The following TUBGCP5 variants were observed in gnomAD, a reference collection of about 807,000 sequenced individuals.
TUBGCP5 encodes the protein gamma-tubulin complex component 5.
In TUBGCP5, 98 loss-of-function variants were observed where a neutral mutation model predicts 134.7. The observed-to-expected ratio is 0.73, with a 90% CI of 0.62 to 0.86. The LOEUF (loss-of-function observed/expected upper bound fraction) is 0.86. Among genes scored for constraint, TUBGCP5 ranks in the 40% least tolerant of loss-of-function variants. The pLI is 0.00. For synonymous variants in TUBGCP5, 456 were observed against 431.4 expected (o/e 1.06, Z -0.71); for missense variants, 1,150 against 1,244.8 (o/e 0.92, Z 1.15).
At position 23,017,939 on chromosome 15, in the gene TUBGCP5, G is replaced by A. The variant is rs149876873; in HGVS notation, c.1590C>T (p.Asn530=). The stretch of plus-strand genomic sequence containing the variant: ...GGTCACTGCCGGAACTCGCACTAGC[G>A]TTATCACTCATTTTTTCTTCATTTT... The part of the protein sequence containing the change: ...KTENEEKMSD[N]ASASSGSDQG... The change falls in exon 13 of 23, where the codon AAC becomes AAT. Residue 530 remains asparagine (N), a synonymous_variant. Transcript: ENST00000615383. 119 of 1,614,056 alleles carry A rather than the reference G, an allele frequency of 7.4e-5. No individual in the cohort carries two copies. The highest frequency in any genetic ancestry group is 1.9e-4 in the South Asian group (17 of 91,084).
At chr15:23,028,672 C>G (rs1421045712) in intron 6 of TUBGCP5, among the ~76,000 whole-genome samples, 1 of 151,952 alleles carries the variant, frequency 6.6e-6, no homozygotes, top group Non-Finnish European at 1.5e-5. Flanking sequence ...GAACTGATAC[C>G]AAACAACCAT....
rs767915486 is a variant in TUBGCP5, at chr15:23,019,310, C to T, written c.1396G>A (p.Val466Met). 5 of 1,613,832 alleles carry T rather than the reference C, an allele frequency of 3.1e-6. No individual in the cohort carries two copies. The highest frequency in any genetic ancestry group is 1.7e-5 in the Admixed American group (1 of 60,014). The change falls in exon 12 of 23, where the codon GTG (valine) becomes ATG (methionine). Residue 466 changes from valine (V) to methionine (M), a missense_variant. Physicochemically the swap from Val to Met is conservative, Grantham distance 21. Coordinates refer to ENST00000615383, the MANE Select transcript of TUBGCP5 (RefSeq NM_052903.6). ...QTVSLLFSLW[V>M]ETVRPYLQTV... ...TGCAGGTAAGGCCGCACCGTTTCCA[C>T]CCAGAGAGAGAAAAGGAGGGAGACC...
At chr15:23,019,150 A>G in intron 12 of TUBGCP5, 69 bp downstream of exon 12, 2 of 1,140,998 alleles carry the variant, frequency 1.8e-6, no homozygotes, top group South Asian at 2.7e-5. Context: ...TAACGAAAGC[A>G]TTTGATTTTC....
intron 23 of TUBGCP5, among the ~76,000 whole-genome samples, chr15:22,988,251 G>C (rs2063738541): frequency 6.6e-6 from 1 of 151,898 alleles, no homozygotes; most frequent in South Asian, 2.1e-4. Flanking sequence ...ATGAGACACT[G>C]AGAGCAGACC....
chr15:22,993,139 G>A (rs1172171564), intron 23 of TUBGCP5, among the ~76,000 whole-genome samples: 10 of 152,084 alleles, frequency 6.6e-5, no homozygotes, highest in Non-Finnish European at 7.4e-5. Flanking sequence ...TCGCTCTGTC[G>A]CCCAGGCTGG....
chr15:23,032,536 T>C (rs2066372559), intron 4 of TUBGCP5, among the ~76,000 whole-genome samples, 192 bp downstream of exon 4: 1 of 152,178 alleles, frequency 6.6e-6, no homozygotes. Context: ...AATCTGTGGG[T>C]CTGGAACCTG....
In TUBGCP5 at chr15:22,999,710, C is replaced by G. The variant is rs941049224; in HGVS notation, c.*110G>C. 7.9e-7 allele frequency: 1 copy of G among 1,263,512 alleles called. No individual in the cohort carries two copies. Among genetic ancestry groups the G allele is most frequent in the African/African-American group, 1.5e-5 (1 of 67,620 alleles). The allele number at this position is 1,263,512 out of a possible 1,614,324, so 78.3% of individuals were successfully genotyped here. A position where few individuals can be genotyped will look rare whatever the true frequency, so the allele number is the denominator to read the frequency against. On this transcript the variant is annotated 3_prime_UTR_variant, in exon 23 of 23. Coordinates refer to ENST00000615383, the MANE Select transcript of TUBGCP5 (RefSeq NM_052903.6). ...GCGACTGTGCCAGGCTGACTGTGGA[C>G]AAGTTTTACAAATAAACCAAAATAA...
chr15:22,999,686 C>T lies in TUBGCP5; in HGVS notation c.*134G>A, dbSNP rs938957959. 10 of 963,364 alleles carry T rather than the reference C, an allele frequency of 1.0e-5. No homozygotes were observed. Among genetic ancestry groups the T allele is most frequent in the East Asian group, 2.6e-5 (1 of 37,924 alleles). 59.7% of individuals were successfully genotyped at this position (963,364 alleles called of 1,614,324 possible). ...ATCGTGCTGGGATTAGAGGCATGAGCGACTGTGCCAGGCTGACTGTGGACA... is the reference window on the plus strand; with the variant it reads ...ATCGTGCTGGGATTAGAGGCATGAGTGACTGTGCCAGGCTGACTGTGGACA... On this transcript the variant is annotated 3_prime_UTR_variant, in exon 23 of 23. Coordinates refer to ENST00000615383, the MANE Select transcript of TUBGCP5 (RefSeq NM_052903.6).
intron 16 of TUBGCP5, among the ~76,000 whole-genome samples, chr15:23,007,058 T>C (rs1191077853): frequency 6.6e-6 from 1 of 152,156 alleles, no homozygotes; most frequent in Non-Finnish European, 1.5e-5. Flanking sequence ...ATCAGAGATG[T>C]CACAGGGCAG....
chr15:23,018,085 TA>T, intron 12 of TUBGCP5, 44 bp from the exon 13 acceptor site: 2 of 1,532,772 alleles, frequency 1.3e-6, no homozygotes, highest in Non-Finnish European at 1.8e-6. Context: ...TTCTCTTTCT[TA>T]AAAACAGCAT....
At chr15:23,006,693 G>A (rs1312998178) in intron 16 of TUBGCP5, among the ~76,000 whole-genome samples, 1 of 152,150 alleles carries the variant, frequency 6.6e-6, no homozygotes, top group Non-Finnish European at 1.5e-5. Context: ...GGGTGGGCAG[G>A]AGAGGACGAG....
At chr15:22,997,364 G>A (rs542248977), downstream of TUBGCP5, among the ~76,000 whole-genome samples, 101 of 151,886 alleles carry the variant, frequency 6.6e-4, no homozygotes, top group African/African-American at 2.3e-3. Flanking sequence ...ATTTTTAGTA[G>A]AGACGGGGTT....
intron 1 of TUBGCP5, among the ~76,000 whole-genome samples, chr15:23,038,472 T>G (rs1422398402): frequency 6.6e-6 from 1 of 151,392 alleles, no homozygotes; most frequent in Non-Finnish European, 1.5e-5. Flanking sequence ...TTGTTTATTT[T>G]TATAAGTTAC....
Position 23,019,280 on chromosome 15 carries a change from C to T in TUBGCP5, c.1426G>A (p.Val476Met). 1 of 1,614,126 alleles carries T rather than the reference C, an allele frequency of 6.2e-7. No homozygotes were observed. Among genetic ancestry groups the T allele is most frequent in the Non-Finnish European group, 8.5e-7 (1 of 1,179,998 alleles). ...TGCCCGTGCACGATCCACTCGTCCACCGTCTGCAGGTAAGGCCGCACCGTT... is the reference window on the plus strand; with the variant it reads ...TGCCCGTGCACGATCCACTCGTCCATCGTCTGCAGGTAAGGCCGCACCGTT... ...VETVRPYLQTVDEWIVHGHLW... is the reference protein window; with the variant it reads ...VETVRPYLQTMDEWIVHGHLW... The change falls in exon 12 of 23, where the codon GTG becomes ATG. Residue 476 changes from valine to methionine, a missense_variant. This residue lies in a region of TUBGCP5 where 697 missense variants were observed against 850.1 expected (regional missense o/e 0.82). Coordinates refer to ENST00000615383, the MANE Select transcript of TUBGCP5 (RefSeq NM_052903.6).
In TUBGCP5 at chr15:23,018,167, A is replaced by AG. The variant is rs2140516355; in HGVS notation, c.1488-127dup. Reference sequence around the variant, plus strand: ...TTATTAGTAAACTGAAGCAAACTTTAGGCAAAATGGGACAGTTTTAATCTC... The same window carrying AG: ...TTATTAGTAAACTGAAGCAAACTTTAGGGCAAAATGGGACAGTTTTAATCTC... On this transcript the variant is annotated intron_variant, in intron 12 of 22. Coordinates refer to ENST00000615383, the MANE Select transcript of TUBGCP5 (RefSeq NM_052903.6). 4 of 912,942 alleles carry AG rather than the reference A, an allele frequency of 4.4e-6. No homozygotes were observed. The South Asian group carries it at 7.6e-5, about 17-fold the overall frequency. The allele number at this position is 912,942 out of a possible 1,614,324, so 56.6% of individuals were successfully genotyped here.
At chr15:23,036,154 G>A (rs764905596) in intron 3 of TUBGCP5, among the ~76,000 whole-genome samples, 15 of 152,288 alleles carry the variant, frequency 9.8e-5, no homozygotes, top group Middle Eastern at 3.4e-3. Context: ...TGACCTCTAG[G>A]GGGCTACAGA....
At chr15:23,002,385 A>G (rs1381518380) in intron 21 of TUBGCP5, among the ~76,000 whole-genome samples, 2 of 152,310 alleles carry the variant, frequency 1.3e-5, no homozygotes, top group East Asian at 3.9e-4. Flanking sequence ...TGGAAGTAAC[A>G]GCAGAATTAC....
chr15:23,026,235 G>A (rs2065981346), intron 7 of TUBGCP5, 30 bp from the exon 8 acceptor site: 1 of 1,584,536 alleles, frequency 6.3e-7, no homozygotes, highest in Non-Finnish European at 8.7e-7. Context: ...AATGTCAATA[G>A]AAAGGTTTCT....
rs928707202 is a variant in TUBGCP5, at chr15:23,026,566, C to T, written c.738-361G>A. Among the ~76,000 whole-genome samples, 34 of 152,168 alleles carry T rather than the reference C, an allele frequency of 2.2e-4. 1 individual carries two copies. Among genetic ancestry groups the T allele is most frequent in the South Asian group, 6.2e-4 (3 of 4,806 alleles). ...TGAAATTAACAACAAAAAATGGAAA[C>T]AGAGACTATAATTAAATAATACTAT... On this transcript the variant is annotated intron_variant, in intron 7 of 22. Transcript: ENST00000615383.
Sources: allele counts gnomAD v4.1 joint callset (sites outside exome capture counted in the v4.1 genomes callset), GRCh38; gene constraint gnomAD v4.1.1; regional missense constraint gnomAD v4.1.1; transcripts MANE v1.5; gene names NCBI Gene and HGNC (gene_info 2026-07-23, HGNC 2026-07-21).